The following THBS2 variants were observed in gnomAD, a reference collection of about 807,000 sequenced individuals.
THBS2 encodes the protein thrombospondin 2.
Under a neutral mutation model 135.2 loss-of-function variants are expected in THBS2, and 47 were observed. The observed-to-expected ratio is 0.35, with a 90% confidence interval of 0.28 to 0.44. The LOEUF is 0.44. Among genes scored for constraint, THBS2 ranks in the 20% least tolerant of loss-of-function variants. The pLI is 1.00. For synonymous variants in THBS2, 639 were observed against 633.8 expected, an observed-to-expected ratio of 1.01 and a Z score of -0.12; for missense variants, 1,288 against 1,603.1, an observed-to-expected ratio of 0.80 and a Z score of 3.36.
rs780923003 is a variant in THBS2 at position 169,241,825 on chromosome 6, C to G, written c.828G>C (p.Met276Ile). The change falls in exon 5 of 22, where the codon ATG becomes ATC. Residue 276 changes from methionine to isoleucine, a missense_variant. Transcript: ENST00000617924. The surrounding 1 kb of genome is among the most constrained non-coding windows in gnomAD (Gnocchi z 5.5). ...CGTGGAGCCCCGAGAGCTCCTGGAC[C>G]ATGTTTCCCAGCTCCTCGCACGAGC... ...CERSCEELGNMVQELSGLHVL... is the reference protein window; with the variant it reads ...CERSCEELGNIVQELSGLHVL... 6.2e-7 allele frequency: 1 copy of G among 1,612,872 alleles called. No individual in the cohort carries two copies. Among genetic ancestry groups the G allele is most frequent in the Admixed American group, 1.7e-5 (1 of 60,024 alleles).
Position 169,241,617 on chromosome 6 carries a change from G to A in THBS2, c.891+145C>T, listed in dbSNP as rs1448200033. 10 of 784,254 alleles carry A rather than the reference G, an allele frequency of 1.3e-5. No individual in the cohort carries two copies. The highest frequency in any genetic ancestry group is 8.6e-5 in the African/African-American group (5 of 58,206). The allele number at this position is 784,254 out of a possible 1,614,324, so 48.6% of individuals were successfully genotyped here. Reference sequence around the variant, plus strand: ...ATTGAGCAAGGATCCTGAGGAGCCCGGCAGACACCTCCCCTGTGAACTGTG... The same window carrying A: ...ATTGAGCAAGGATCCTGAGGAGCCCAGCAGACACCTCCCCTGTGAACTGTG... On this transcript the variant is annotated intron_variant, in intron 5 of 21. Coordinates refer to ENST00000617924, the MANE Select transcript of THBS2 (RefSeq NM_003247.5). The surrounding 1 kb of genome is among the most constrained non-coding windows in gnomAD (Gnocchi z 5.5).
rs1305522978 is a variant in THBS2 at position 169,246,131 on chromosome 6, A to G, written c.694+66T>C. On this transcript the variant is annotated intron_variant, in intron 4 of 21. Transcript: ENST00000617924. The stretch of plus-strand genomic sequence containing the variant: ...TGCACACACATACACACACACACAT[A>G]CACCATGTCACAATAGAAATCCATC... 6.5e-6 allele frequency: 9 copies of G among 1,381,758 alleles called. No homozygotes were observed. In the South Asian group the frequency reaches 9.3e-5, roughly 14 times the overall value. 85.6% of individuals were successfully genotyped at this position (1,381,758 alleles called of 1,614,324 possible).
rs746503179 is a variant in THBS2 at position 169,237,352 on chromosome 6, A to C, written c.1301-6T>G. On this transcript the variant is annotated splice_region_variant and splice_polypyrimidine_tract_variant and intron_variant, in intron 8 of 21. Coordinates refer to ENST00000617924, the MANE Select transcript of THBS2 (RefSeq NM_003247.5). ...CCAGCCGCCGTCCTGCCGGACTAAC[A>C]CAAGAAGCGGAGAGAGATCAGGCTG... is the stretch of plus-strand genomic sequence containing the variant. 1.2e-6 allele frequency: 2 copies of C among 1,613,132 alleles called. No individual in the cohort carries two copies. The highest frequency in any genetic ancestry group is 2.2e-5 in the South Asian group (2 of 91,086).
In THBS2 at chr6:169,241,849, G is replaced by C. The variant is rs1180852770; in HGVS notation, c.804C>G (p.Arg268=). The C allele has an allele frequency of 1.2e-6, 2 of 1,612,596 alleles. No homozygotes were observed. The highest frequency in any genetic ancestry group is 1.7e-5 in the Admixed American group (1 of 60,000). ...SSERRPEVCE[R]SCEELGNMVQ... ...CCATGTTTCCCAGCTCCTCGCACGA[G>C]CGTTCGCACACCTCGGGCCTCCTCT... is the stretch of plus-strand genomic sequence containing the variant. The change falls in exon 5 of 22, where the codon CGC becomes CGG. Residue 268 remains arginine, a synonymous_variant. Transcript: ENST00000617924. This position sits in a 1 kb window ranked among gnomAD's most constrained non-coding sequence, Gnocchi z 5.5.
intron 4 of THBS2, among the ~76,000 whole-genome samples, chr6:169,245,566 G>A (rs1780513637): frequency 6.6e-6 from 1 of 152,168 alleles, no homozygotes; most frequent in African/African-American, 2.4e-5. Flanking sequence ...GCCAAGGTGG[G>A]CAGATCACGA....
intron 4 of THBS2, among the ~76,000 whole-genome samples, 153 bp from the exon 5 acceptor site, chr6:169,242,111 G>A (rs1305610159): frequency 6.6e-6 from 1 of 152,160 alleles, no homozygotes; most frequent in Non-Finnish European, 1.5e-5. Context: ...CAGAGGCCAG[G>A]ACCACAGGGA....
At chr6:169,250,877 C>A in intron 1 of THBS2, 71 bp from the exon 2 acceptor site, 1 of 992,210 alleles carries the variant, frequency 1.0e-6, no homozygotes, top group Non-Finnish European at 1.5e-6. Flanking sequence ...GAGACTGGCC[C>A]AGTGACTCAC....
At chr6:169,244,747 G>T (rs777321626) in intron 4 of THBS2, among the ~76,000 whole-genome samples, 1 of 152,134 alleles carries the variant, frequency 6.6e-6, no homozygotes, top group Non-Finnish European at 1.5e-5. Flanking sequence ...GCCCTGGCAC[G>T]CAGAGTGCTG....
chr6:169,247,655 T>C (rs553210191), intron 3 of THBS2, among the ~76,000 whole-genome samples: 28 of 150,394 alleles, frequency 1.9e-4, no homozygotes, highest in African/African-American at 6.4e-4. Context: ...GTGCATTGCA[T>C]GGCTGTGGGT....
At chr6:169,245,574 C>T (rs542137630) in intron 4 of THBS2, among the ~76,000 whole-genome samples, 22 of 152,158 alleles carry the variant, frequency 1.4e-4, no homozygotes, top group East Asian at 1.2e-3. Flanking sequence ...GGGCAGATCA[C>T]GAGGTCAGGA....
rs568009942 is a variant in THBS2, at chr6:169,241,867, C to A, written c.786G>T (p.Arg262Ser). The change falls in exon 5 of 22, where the codon AGG (arginine) becomes AGT (serine). Residue 262 changes from arginine (R) to serine (S), a missense_variant. By Grantham distance (110) the Arg-to-Ser change is moderately radical. Coordinates refer to ENST00000617924, the MANE Select transcript of THBS2 (RefSeq NM_003247.5). This position sits in a 1 kb window ranked among gnomAD's most constrained non-coding sequence, Gnocchi z 5.5. ...TEYVGPSSER[R>S]PEVCERSCEE... ...CGCACGAGCGTTCGCACACCTCGGG[C>A]CTCCTCTCCGAGCTGGGGCCCACGT... is the stretch of plus-strand genomic sequence containing the variant. 4 of 1,612,508 alleles carry A rather than the reference C, an allele frequency of 2.5e-6. No homozygotes were observed. The highest frequency in any genetic ancestry group is 2.2e-5 in the East Asian group (1 of 44,866).
chr6:169,237,437 ACAGCTGCTGAGGAGAGGGAAG>A, intron 8 of THBS2, 91 bp from the exon 9 acceptor site: 1 of 1,514,128 alleles, frequency 6.6e-7, no homozygotes, highest in East Asian at 2.3e-5. Context: ...GGAGCATCTC[ACAGCTGCTGAGGAGAGGGAAG>A]GAGAACCCCT....
intron 12 of THBS2, 96 bp from the exon 13 acceptor site, chr6:169,232,294 C>A: frequency 7.4e-7 from 1 of 1,351,690 alleles, no homozygotes; most frequent in South Asian, 1.2e-5. Context: ...CCAGCAGGTC[C>A]GGTCCCAAGC....
At chr6:169,218,767 GGGTGGATGGAGGGATGAGTGGGTT>G (rs1779297386) in intron 21 of THBS2, among the ~76,000 whole-genome samples, 1 of 146,286 alleles carries the variant, frequency 6.8e-6, no homozygotes, top group Non-Finnish European at 1.5e-5. Flanking sequence ...ATGGGTGGGT[GGGTGGATGGAGGGATGAGTGGGTT>G]GGTGGATGAG....
At chr6:169,229,765 CG>C (rs1779768919) in intron 13 of THBS2, 86 bp from the exon 14 acceptor site, 4 of 1,136,374 alleles carry the variant, frequency 3.5e-6, no homozygotes, top group Non-Finnish European at 3.9e-6. Flanking sequence ...ACCAGCATGG[CG>C]CCGAGGAAGG....
intron 7 of THBS2, chr6:169,239,227 G>A (rs1244186359): frequency 8.7e-6 from 2 of 228,988 alleles, no homozygotes; most frequent in Admixed American, 1.1e-4. Context: ...TTTTCCAGGA[G>A]TGTGTGTACA....
intron 5 of THBS2, 96 bp from the exon 6 acceptor site, chr6:169,240,688 A>C: frequency 1.4e-6 from 2 of 1,456,360 alleles, no homozygotes; most frequent in Non-Finnish European, 1.9e-6. Flanking sequence ...CCTTCATTAA[A>C]AAGCTCTAAA....
At chr6:169,218,401 T>C (rs1417721600) in intron 21 of THBS2, among the ~76,000 whole-genome samples, 2 of 104,168 alleles carry the variant, frequency 1.9e-5, no homozygotes, top group Non-Finnish European at 3.8e-5. Flanking sequence ...TTGGTGGAGA[T>C]GGATGGGTGG....
chr6:169,230,326 C>A (rs887396283), intron 13 of THBS2, among the ~76,000 whole-genome samples: 1 of 152,158 alleles, frequency 6.6e-6, no homozygotes, highest in Admixed American at 6.5e-5. Context: ...TAGAGAGTAG[C>A]GTGTCCGTTT....
Sources: gnomAD v4.1 joint callset for allele counts (sites outside exome capture counted in the v4.1 genomes callset) on GRCh38, gnomAD v4.1.1 for gene constraint, Gnocchi (gnomAD v3.1) non-coding constraint, MANE v1.5 for transcripts, NCBI Gene and HGNC (gene_info 2026-07-23, HGNC 2026-07-21) for gene names.